The following DNAH14 variants were observed in gnomAD, a reference collection of about 807,000 sequenced individuals.
The protein encoded by DNAH14 is dynein axonemal heavy chain 14, also known as axonemal beta dynein heavy chain 14.
Under a neutral mutation model 520.9 loss-of-function variants are expected in DNAH14, and 478 were observed. That is an observed-to-expected ratio of 0.92 (90% CI 0.85 to 0.99). DNAH14 has a LOEUF of 0.99. Among genes scored for constraint, DNAH14 ranks in the 50% least tolerant of loss-of-function variants. DNAH14 has a pLI of 0.00. For missense variants in DNAH14, 4,831 were observed against 5,234.5 expected (o/e 0.92, Z 2.38); for synonymous variants, 1,581 against 1,757.2 (o/e 0.90, Z 2.51).
At chr1:225,013,774 C>G (rs1222814495) in intron 10 of DNAH14, among the ~76,000 whole-genome samples, 2 of 152,162 alleles carry the variant, frequency 1.3e-5, no homozygotes, top group South Asian at 2.1e-4. Flanking sequence ...ATTGCCTACT[C>G]AAGCCTCAGT....
Position 225,367,804 on chromosome 1 carries a change from G to A in DNAH14, c.12091-1G>A. The A allele has an allele frequency of 6.5e-7, 1 of 1,549,572 alleles. No homozygotes were observed. Among genetic ancestry groups the A allele is most frequent in the Non-Finnish European group, 8.7e-7 (1 of 1,145,328 alleles). Reference sequence around the variant, plus strand: ...CCATTTTACTCACATCTGTTTTCAAGATTGCCGTGGAATCTCCCCAGGGAT... The same window carrying A: ...CCATTTTACTCACATCTGTTTTCAAAATTGCCGTGGAATCTCCCCAGGGAT... On this transcript the variant is annotated splice_acceptor_variant, in intron 76 of 85. Coordinates refer to ENST00000682510, the MANE Select transcript of DNAH14 (RefSeq NM_001367479.1). LOFTEE classifies it high-confidence loss of function.
intron 77 of DNAH14, among the ~76,000 whole-genome samples, chr1:225,371,695 A>T (rs1199560262): frequency 2.0e-5 from 3 of 152,188 alleles, no homozygotes; most frequent in Admixed American, 2.0e-4. Flanking sequence ...AAATCTAGTA[A>T]TTAGAGAATT....
chr1:225,110,094 G>A (rs1440084903), intron 23 of DNAH14, among the ~76,000 whole-genome samples: 1 of 152,066 alleles, frequency 6.6e-6, no homozygotes, highest in Non-Finnish European at 1.5e-5. Flanking sequence ...CATGCATTTT[G>A]TTGAGGATTT....
intron 73 of DNAH14, among the ~76,000 whole-genome samples, chr1:225,357,187 AGAGGACAATGAAG>A (rs1451732267): frequency 6.6e-6 from 1 of 152,176 alleles, no homozygotes; most frequent in Non-Finnish European, 1.5e-5. Context: ...AGGGGATGAA[AGAGGACAATGAAG>A]GAATATAGAC....
At chr1:225,360,519 C>A (rs935946471) in intron 74 of DNAH14, among the ~76,000 whole-genome samples, 162 bp from the exon 75 acceptor site, 12 of 152,178 alleles carry the variant, frequency 7.9e-5, no homozygotes, top group Non-Finnish European at 1.6e-4. Context: ...TAGTAAGTGG[C>A]AGGACCAAAA....
chr1:225,306,160 A>G (rs996839928), intron 58 of DNAH14, among the ~76,000 whole-genome samples: 10 of 152,352 alleles, frequency 6.6e-5, no homozygotes, highest in African/African-American at 2.4e-4. Context: ...TTACATAAGC[A>G]GCAACCTCAA....
chr1:225,186,506 GT>G (rs1429534199), intron 37 of DNAH14, among the ~76,000 whole-genome samples: 1 of 151,824 alleles, frequency 6.6e-6, no homozygotes, highest in African/African-American at 2.4e-5. Context: ...ATTAAAAACA[GT>G]TTTTTAAGTA....
chr1:225,335,475 G>GTA (rs140057701), intron 66 of DNAH14, among the ~76,000 whole-genome samples: 3,835 of 57,332 alleles, frequency 0.067, 615 homozygotes, highest in East Asian at 0.17. Context: ...ACATGTGTGT[G>GTA]TATGCACATA....
In DNAH14 at chr1:225,388,590, A is replaced by G. The variant is rs992302582; in HGVS notation, c.13190+99A>G. ...ATGCTTGGTCTCCTTGGGTTCTCAC[A>G]GTAATGTGTGAATTAAGCAAGGGAG... On this transcript the variant is annotated intron_variant, in intron 82 of 85. Coordinates refer to ENST00000682510, the MANE Select transcript of DNAH14 (RefSeq NM_001367479.1). The G allele has an allele frequency of 1.5e-5, 10 of 657,112 alleles. No homozygotes were observed. The African/African-American group carries it at 1.8e-4, about 12-fold the overall frequency. 40.7% of individuals were successfully genotyped at this position (657,112 alleles called of 1,614,324 possible).
intron 17 of DNAH14, among the ~76,000 whole-genome samples, chr1:225,065,927 A>G (rs960404584): frequency 2.6e-5 from 4 of 152,032 alleles, no homozygotes; most frequent in Non-Finnish European, 5.9e-5. Flanking sequence ...TAGTTTTTTG[A>G]GGAACCTCCA....
rs2093456990 is a variant in DNAH14 at position 225,275,935 on chromosome 1, C to T, written c.8032C>T (p.Leu2678=). The T allele has an allele frequency of 2.8e-6, 1 of 351,280 alleles. No homozygotes were observed. Among genetic ancestry groups the T allele is most frequent in the Non-Finnish European group, 5.7e-6 (1 of 176,002 alleles). 21.8% of individuals were successfully genotyped at this position (351,280 alleles called of 1,614,324 possible). A position where few individuals can be genotyped will look rare whatever the true frequency, so the allele number is the denominator to read the frequency against. ...CFQIQWTQEN[L]MNHSTVFLDF... is the part of the protein sequence containing the mutation. ...ATAGATTCAGTGGACCCAAGAAAAC[C>T]TGATGAATCACTCAACTGTATTTTT... is the stretch of plus-strand genomic sequence containing the variant. The change falls in exon 53 of 86, where the codon CTG becomes TTG. Residue 2678 remains leucine (L), a synonymous_variant. Transcript: ENST00000682510.
chr1:225,113,684 C>T (rs960219745), intron 23 of DNAH14, among the ~76,000 whole-genome samples: 1 of 152,218 alleles, frequency 6.6e-6, no homozygotes, highest in Non-Finnish European at 1.5e-5. Context: ...AGCTGGCACT[C>T]AAACCACAAG....
At chr1:225,128,501 G>C (rs1003546608) in intron 27 of DNAH14, among the ~76,000 whole-genome samples, 2 of 152,038 alleles carry the variant, frequency 1.3e-5, no homozygotes, top group South Asian at 2.1e-4. Context: ...GGGATGCAAG[G>C]CTGGTTCAAT....
At position 225,377,422 on chromosome 1, in the gene DNAH14, C is replaced by T; in HGVS notation, c.12702C>T (p.Ala4234=). Residue 4234 remains alanine (A), a synonymous_variant, in exon 79 of 86, where the codon GCC becomes GCT. Transcript: ENST00000682510. ...LIAMQPKTTT[A]NLMIRPEQSK... is the part of the protein sequence containing the mutation. ...CCATGCAACCAAAAACTACCACTGC[C>T]AACCTCATGATCAGGTAAGAACTCG... 6.5e-7 allele frequency: 1 copy of T among 1,549,888 alleles called. No individual in the cohort carries two copies. The highest frequency in any genetic ancestry group is 8.7e-7 in the Non-Finnish European group (1 of 1,146,230).
chr1:225,281,653 TA>T (rs1011401258), intron 54 of DNAH14, among the ~76,000 whole-genome samples: 1 of 152,148 alleles, frequency 6.6e-6, no homozygotes, highest in African/African-American at 2.4e-5. Context: ...ATGATAATTC[TA>T]AAACTATTGT....
intron 46 of DNAH14, among the ~76,000 whole-genome samples, chr1:225,262,878 T>C (rs2092983231): frequency 1.3e-5 from 2 of 151,920 alleles, no homozygotes; most frequent in African/African-American, 4.8e-5. Flanking sequence ...CTGTGAAAAA[T>C]GACATTGATA....
At chr1:225,075,849 G>C (rs1309637038) in intron 17 of DNAH14, among the ~76,000 whole-genome samples, 2 of 152,146 alleles carry the variant, frequency 1.3e-5, no homozygotes, top group Non-Finnish European at 2.9e-5. Flanking sequence ...TGAAGAAGTA[G>C]GTAATTATTA....
intron 17 of DNAH14, among the ~76,000 whole-genome samples, chr1:225,076,599 A>T (rs1043336239): frequency 6.6e-6 from 1 of 152,154 alleles, no homozygotes; most frequent in Non-Finnish European, 1.5e-5. Context: ...CCACATAGTG[A>T]CACTATGAAC....
chr1:224,943,793 G>A (rs1313459374), intron 1 of DNAH14, among the ~76,000 whole-genome samples: 4 of 152,048 alleles, frequency 2.6e-5, no homozygotes, highest in South Asian at 2.1e-4. Flanking sequence ...GTTTCCATGT[G>A]GTTGAGCGGT....
Sources: allele counts gnomAD v4.1 joint callset (sites outside exome capture counted in the v4.1 genomes callset), GRCh38; gene constraint gnomAD v4.1.1; transcripts MANE v1.5; gene names NCBI Gene and HGNC (gene_info 2026-07-23, HGNC 2026-07-21).